Variants in RASAL2 observed in about 807,000 individuals in gnomAD.
RASAL2 encodes RAS protein activator like 2.
In RASAL2, 58 loss-of-function variants were observed where a neutral mutation model predicts 128.9. The observed-to-expected ratio is 0.45, with a 90% CI of 0.36 to 0.56. RASAL2 has a LOEUF of 0.56. RASAL2 is among the 20% of genes least tolerant of loss of function. The probability of loss-of-function intolerance (pLI) is 0.00; values close to 1 mark genes in which losing one functional copy is unlikely to be tolerated. For synonymous variants in RASAL2, 561 were observed against 580.8 expected (o/e 0.97, Z 0.49); for missense variants, 1,360 against 1,601.6 (o/e 0.85, Z 2.57).
intron 1 of RASAL2, among the ~76,000 whole-genome samples, chr1:178,163,158 G>T (rs149760598): frequency 3.3e-5 from 5 of 151,340 alleles, no homozygotes; most frequent in Non-Finnish European, 7.4e-5. Context: ...AGTAGAGATG[G>T]GGTTTCACCA....
At chr1:178,310,753 T>C (rs891701513) in intron 3 of RASAL2, among the ~76,000 whole-genome samples, 72 of 152,308 alleles carry the variant, frequency 4.7e-4, no homozygotes, top group African/African-American at 1.6e-3. Flanking sequence ...CTGCCACTTA[T>C]GGTTGCTCAA....
At chr1:178,357,550 A>G (rs866808876) in intron 3 of RASAL2, among the ~76,000 whole-genome samples, 3 of 152,076 alleles carry the variant, frequency 2.0e-5, no homozygotes, top group Non-Finnish European at 2.9e-5. Context: ...TTCAAAAGGT[A>G]TTTGGCCTTT....
chr1:178,149,137 G>C (rs1660828267), intron 1 of RASAL2, among the ~76,000 whole-genome samples: 1 of 152,078 alleles, frequency 6.6e-6, no homozygotes, highest in African/African-American at 2.4e-5. Flanking sequence ...GACATAAACT[G>C]TCTCCAAATT....
chr1:178,393,072 G>A (rs1386930860), intron 4 of RASAL2, among the ~76,000 whole-genome samples: 2 of 152,074 alleles, frequency 1.3e-5, no homozygotes, highest in Non-Finnish European at 1.5e-5. Context: ...AAATGTATTT[G>A]TACTCTTATC....
chr1:178,238,619 C>T (rs745699158), intron 1 of RASAL2, among the ~76,000 whole-genome samples: 1 of 152,066 alleles, frequency 6.6e-6, no homozygotes, highest in South Asian at 2.1e-4. Flanking sequence ...CACACACACA[C>T]ACACACTTTG....
intron 1 of RASAL2, among the ~76,000 whole-genome samples, chr1:178,273,488 A>G (rs1022077882): frequency 6.6e-6 from 1 of 152,236 alleles, no homozygotes; most frequent in African/African-American, 2.4e-5. Flanking sequence ...TGTATATACT[A>G]TGTATAAACA....
chr1:178,094,697 A>G lies in RASAL2; in HGVS notation c.202+3A>G, dbSNP rs376168711. The G allele has an allele frequency of 2.5e-6, 4 of 1,614,014 alleles. No homozygotes were observed. The highest frequency in any genetic ancestry group is 1.1e-5 in the South Asian group (1 of 91,070). On this transcript the variant is annotated splice_donor_region_variant and intron_variant, in intron 1 of 17. Transcript: ENST00000367649. ...ACAGAGCTGGGTCCGGGTGTACGGT[A>G]AGGACCACAGGCCGTCTTAGAGGCT...
At chr1:178,446,228 A>G (rs914738389) in intron 9 of RASAL2, among the ~76,000 whole-genome samples, 2 of 152,216 alleles carry the variant, frequency 1.3e-5, no homozygotes, top group South Asian at 4.1e-4. Flanking sequence ...AGAGTAAGGT[A>G]CTGTGCTGGT....
chr1:178,099,032 G>A (rs1658794861), intron 1 of RASAL2, among the ~76,000 whole-genome samples: 2 of 152,250 alleles, frequency 1.3e-5, no homozygotes, highest in East Asian at 1.9e-4. Flanking sequence ...TACTGCTTAC[G>A]CCTCACCAAT....
In RASAL2 at chr1:178,094,699, G is replaced by A. The variant is rs568462356; in HGVS notation, c.202+5G>A. On this transcript the variant is annotated splice_donor_5th_base_variant and intron_variant, in intron 1 of 17. Transcript: ENST00000367649. ...AGAGCTGGGTCCGGGTGTACGGTAA[G>A]GACCACAGGCCGTCTTAGAGGCTGG... is the stretch of plus-strand genomic sequence containing the variant. 1.9e-6 allele frequency: 3 copies of A among 1,614,002 alleles called. No homozygotes were observed. The African/African-American group carries it at 4.0e-5, about 21-fold the overall frequency.
At chr1:178,354,804 TAAG>T (rs1353385223) in intron 3 of RASAL2, among the ~76,000 whole-genome samples, 1 of 152,210 alleles carries the variant, frequency 6.6e-6, no homozygotes, top group Non-Finnish European at 1.5e-5. Flanking sequence ...AGGAGAAATT[TAAG>T]AATAATCTAA....
intron 3 of RASAL2, among the ~76,000 whole-genome samples, chr1:178,305,564 T>C (rs1030195289): frequency 2.0e-5 from 3 of 152,168 alleles, no homozygotes; most frequent in Admixed American, 1.3e-4. Context: ...TCAAGAATGT[T>C]GGCTAGAACA....
chr1:178,327,205 G>A (rs528806850), intron 3 of RASAL2, among the ~76,000 whole-genome samples: 2 of 152,166 alleles, frequency 1.3e-5, no homozygotes, highest in East Asian at 1.9e-4. Flanking sequence ...TAAAACTATA[G>A]TATTTCCTAA....
intron 1 of RASAL2, among the ~76,000 whole-genome samples, chr1:178,233,886 T>G (rs1435657235): frequency 2.0e-5 from 3 of 152,216 alleles, no homozygotes; most frequent in Admixed American, 6.5e-5. Context: ...AGAAGGTATA[T>G]TGCAATGAAT....
chr1:178,221,076 C>G (rs1367374344), intron 1 of RASAL2, among the ~76,000 whole-genome samples: 1 of 152,186 alleles, frequency 6.6e-6, no homozygotes, highest in Non-Finnish European at 1.5e-5. Context: ...CACACCCTTG[C>G]CAGCATTTGG....
chr1:178,364,970 A>G (rs941966241), intron 3 of RASAL2, among the ~76,000 whole-genome samples: 12 of 152,250 alleles, frequency 7.9e-5, no homozygotes, highest in African/African-American at 2.9e-4. Context: ...AATTCTAGAT[A>G]ATCATTAACG....
chr1:178,462,794 A>G lies in RASAL2; in HGVS notation c.3253-1484A>G, dbSNP rs139658798. 6.6e-5 allele frequency among the ~76,000 whole-genome samples: 10 copies of G among 152,300 alleles called. No individual in the cohort carries two copies. The East Asian group carries it at 1.9e-3, about 29-fold the overall frequency. On this transcript the variant is annotated intron_variant, in intron 14 of 17. Transcript: ENST00000367649. ...AGAAATTTCTAGAAGTTCATTCACA[A>G]TTGCTTAGTGTGTACGGGTCTATTT...
At chr1:178,442,621 G>GTTTTTTTTTT in intron 7 of RASAL2, 54 bp from the exon 8 acceptor site, 1 of 1,415,574 alleles carries the variant, frequency 7.1e-7, no homozygotes, top group Non-Finnish European at 9.6e-7. Context: ...AGAAAAAAAT[G>GTTTTTTTTTT]TTTTTTTTTC....
chr1:178,436,259 A>G (rs748285524), intron 5 of RASAL2, among the ~76,000 whole-genome samples: 54 of 152,102 alleles, frequency 3.6e-4, no homozygotes, highest in Non-Finnish European at 6.3e-4. Context: ...TATTTATTCA[A>G]TAATAATGTT....
Sources: gnomAD v4.1 joint callset for allele counts (sites outside exome capture counted in the v4.1 genomes callset) on GRCh38, gnomAD v4.1.1 for gene constraint, MANE v1.5 for transcripts, NCBI Gene and HGNC (gene_info 2026-07-23, HGNC 2026-07-21) for gene names.